Variants in ACAP2 observed in about 807,000 individuals in gnomAD.
The protein encoded by ACAP2 is ArfGAP with coiled-coil, ankyrin repeat and PH domains 2.
A neutral mutation model predicts 115.8 loss-of-function variants in ACAP2; 39 were observed. That is an observed-to-expected ratio of 0.34 (90% CI 0.26 to 0.44). The LOEUF is 0.44. ACAP2 is among the 20% of genes least tolerant of loss of function. The pLI, the probability that ACAP2 is intolerant of heterozygous loss-of-function variation, is 1.00. For missense variants in ACAP2, 662 were observed against 927.6 expected (o/e 0.71, Z 3.72); for synonymous variants, 289 against 315.8 (o/e 0.92, Z 0.90).
At position 195,300,953 on chromosome 3, in the gene ACAP2, G is replaced by A. The variant is rs548925344; in HGVS notation, c.1395+622C>T. Among the ~76,000 whole-genome samples, 60 of 152,296 alleles carry A rather than the reference G, an allele frequency of 3.9e-4. 1 individual carries two copies. In the South Asian group the frequency reaches 0.011, roughly 28 times the overall value. ...GGATTCTTTGAGCCAAGGAAGTCCC[G>A]GCTGCAGTAAGCTGTGATGGTGCCA... On this transcript the variant is annotated intron_variant, in intron 15 of 22. Transcript: ENST00000326793.
intron 1 of ACAP2, among the ~76,000 whole-genome samples, chr3:195,406,707 T>C (rs1262218449): frequency 6.6e-6 from 1 of 152,238 alleles, no homozygotes; most frequent in East Asian, 1.9e-4. Context: ...AAATATTTCA[T>C]ATGCCTTTAT....
intron 4 of ACAP2, among the ~76,000 whole-genome samples, chr3:195,370,215 T>C (rs1181449318): frequency 6.6e-6 from 1 of 152,232 alleles, no homozygotes; most frequent in Non-Finnish European, 1.5e-5. Flanking sequence ...TTTACTCTGT[T>C]GACAGTTTCT....
At chr3:195,374,893 A>G (rs895866783) in intron 4 of ACAP2, among the ~76,000 whole-genome samples, 2 of 151,250 alleles carry the variant, frequency 1.3e-5, no homozygotes, top group African/African-American at 4.9e-5. Flanking sequence ...GCTCAGCCTT[A>G]TTTTTTAAAA....
chr3:195,342,729 C>T, intron 5 of ACAP2, 75 bp from the exon 6 acceptor site: 1 of 1,190,668 alleles, frequency 8.4e-7, no homozygotes. Flanking sequence ...GGCGCGGTGG[C>T]TCACACCTGT....
intron 4 of ACAP2, among the ~76,000 whole-genome samples, chr3:195,376,312 T>C (rs964377921): frequency 1.3e-5 from 2 of 152,000 alleles, no homozygotes; most frequent in Non-Finnish European, 2.9e-5. Context: ...AAGAATCACT[T>C]GAACCTGGGA....
In ACAP2 at chr3:195,275,899, A is replaced by C. The variant is rs746270997; in HGVS notation, c.*3429T>G. 5 of 152,662 alleles carry C rather than the reference A, an allele frequency of 3.3e-5. No individual in the cohort carries two copies. The highest frequency in any genetic ancestry group is 6.5e-5 in the Admixed American group (1 of 15,286). The allele number at this position is 152,662 out of a possible 1,614,324, so 9.5% of individuals were successfully genotyped here. ...ATTGTGAGGAGCCCTGAATCCAAAA[A>C]GGGTAGTGACGACTAGTCCAGTGCT... On this transcript the variant is annotated 3_prime_UTR_variant, in exon 23 of 23. Transcript: ENST00000326793.
intron 1 of ACAP2, among the ~76,000 whole-genome samples, chr3:195,423,260 C>T (rs1222941568): frequency 6.6e-6 from 1 of 152,066 alleles, no homozygotes; most frequent in Non-Finnish European, 1.5e-5. Context: ...AAAATAGTAA[C>T]AACCGGTAAC....
chr3:195,374,805 C>T (rs955428684), intron 4 of ACAP2, among the ~76,000 whole-genome samples: 1 of 152,050 alleles, frequency 6.6e-6, no homozygotes, highest in South Asian at 2.1e-4. Context: ...AGCTCCGCCT[C>T]CCGGGTTCAT....
chr3:195,412,911 C>G (rs147325624), intron 1 of ACAP2: 1 of 456,148 alleles, frequency 2.2e-6, no homozygotes, highest in Non-Finnish European at 4.4e-6. Context: ...CCTGCTCTCA[C>G]GGCATCTAAG....
chr3:195,357,402 AC>A (rs1435934365), intron 4 of ACAP2, among the ~76,000 whole-genome samples: 1 of 152,130 alleles, frequency 6.6e-6, no homozygotes, highest in Non-Finnish European at 1.5e-5. Flanking sequence ...GGAATTCACC[AC>A]CCCGAAGGGA....
Position 195,385,574 on chromosome 3 carries a change from A to C in ACAP2, c.112-3552T>G, listed in dbSNP as rs1734247000. 2.0e-5 allele frequency among the ~76,000 whole-genome samples: 3 copies of C among 151,938 alleles called. No individual in the cohort carries two copies. In the South Asian group the frequency reaches 6.2e-4, roughly 32 times the overall value. ...AGAACAGATTCTGTTAAACTTCTAGATTAGCAGCAAGAAATAAAGGCATTC... is the reference window on the plus strand; with the variant it reads ...AGAACAGATTCTGTTAAACTTCTAGCTTAGCAGCAAGAAATAAAGGCATTC... On this transcript the variant is annotated intron_variant, in intron 2 of 22. Coordinates refer to ENST00000326793, the MANE Select transcript of ACAP2 (RefSeq NM_012287.6).
intron 8 of ACAP2, among the ~76,000 whole-genome samples, chr3:195,327,857 C>T (rs940573682): frequency 4.6e-5 from 7 of 151,856 alleles, no homozygotes; most frequent in Non-Finnish European, 8.8e-5. Flanking sequence ...CTTGAACCCA[C>T]GAGGCAGAGG....
chr3:195,379,047 T>C (rs1017069817), intron 4 of ACAP2, among the ~76,000 whole-genome samples: 1 of 152,062 alleles, frequency 6.6e-6, no homozygotes, highest in Non-Finnish European at 1.5e-5. Flanking sequence ...TATGTCAATT[T>C]ACAGTCAATC....
chr3:195,314,139 T>C (rs1560232687), intron 10 of ACAP2, among the ~76,000 whole-genome samples: 1 of 152,164 alleles, frequency 6.6e-6, no homozygotes, highest in Non-Finnish European at 1.5e-5. Context: ...TGAGGTTTTA[T>C]TAAAACTATC....
chr3:195,409,727 T>C (rs1329543459), intron 1 of ACAP2, among the ~76,000 whole-genome samples: 2 of 151,346 alleles, frequency 1.3e-5, no homozygotes, highest in African/African-American at 4.9e-5. Flanking sequence ...AATACAAAAA[T>C]TAGCTGGGTG....
chr3:195,370,073 A>G (rs182085063), intron 4 of ACAP2, among the ~76,000 whole-genome samples: 1 of 152,228 alleles, frequency 6.6e-6, no homozygotes, highest in African/African-American at 2.4e-5. Flanking sequence ...GTGTCTGTTC[A>G]TGTCCTTTGC....
chr3:195,418,409 G>T (rs1713910705), intron 1 of ACAP2, among the ~76,000 whole-genome samples: 1 of 152,166 alleles, frequency 6.6e-6, no homozygotes, highest in African/African-American at 2.4e-5. Context: ...TAGCTCAAAG[G>T]ATTAAAAGGT....
At chr3:195,438,710 A>G (rs916238330) in intron 1 of ACAP2, among the ~76,000 whole-genome samples, 7 of 152,178 alleles carry the variant, frequency 4.6e-5, no homozygotes, top group Non-Finnish European at 8.8e-5. Context: ...TCTCTCAAAC[A>G]TAATTCACCC....
intron 2 of ACAP2, among the ~76,000 whole-genome samples, chr3:195,382,519 A>ATTCC (rs1734015273): frequency 6.6e-6 from 1 of 151,640 alleles, no homozygotes; most frequent in African/African-American, 2.4e-5. Context: ...CTGTTCTTCC[A>ATTCC]TTCCTTCCTT....
Sources: allele counts gnomAD v4.1 joint callset (sites outside exome capture counted in the v4.1 genomes callset), GRCh38; gene constraint gnomAD v4.1.1; transcripts MANE v1.5; gene names NCBI Gene and HGNC (gene_info 2026-07-23, HGNC 2026-07-21).